CSE1L: variants seen among roughly 807,000 people sequenced by gnomAD.
CSE1L encodes the protein chromosome segregation 1 like.
In CSE1L, 24 loss-of-function variants were observed where a neutral mutation model predicts 120.4. The ratio of observed to expected loss-of-function variants is 0.20; its 90% confidence interval spans 0.14 to 0.28. The LOEUF (loss-of-function observed/expected upper bound fraction) is 0.28, where lower values mean the gene tolerates loss of function less well. Among genes scored for constraint, CSE1L ranks in the 10% least tolerant of loss-of-function variants. The probability of loss-of-function intolerance (pLI) is 1.00; values close to 1 mark genes in which losing one functional copy is unlikely to be tolerated. For synonymous variants in CSE1L, 402 were observed against 398.3 expected (o/e 1.01, Z -0.11); for missense variants, 830 against 1,145.2 (o/e 0.72, Z 3.97).
In CSE1L at chr20:49,061,219, C is replaced by G. The variant is rs185819031; in HGVS notation, c.86-1983C>G. On this transcript the variant is annotated intron_variant, in intron 2 of 24. Coordinates refer to ENST00000262982, the MANE Select transcript of CSE1L (RefSeq NM_001316.4). ...ACGGAGTCTCCCTCTGTCGCCCAGG[C>G]TAGAGTGCAGTGGCGCCATCTTGGC... 1.4e-3 allele frequency among the ~76,000 whole-genome samples: 185 copies of G among 136,050 alleles called. 7 individuals carry two copies. The highest frequency in any genetic ancestry group is 0.013 in the Admixed American group (161 of 12,502). 89.3% of individuals were successfully genotyped at this position (136,050 alleles called of 152,430 possible).
intron 1 of CSE1L, among the ~76,000 whole-genome samples, chr20:49,048,309 A>G (rs1409874271): frequency 6.6e-6 from 1 of 152,126 alleles, no homozygotes; most frequent in Non-Finnish European, 1.5e-5. Context: ...GATTGGATGG[A>G]TGCAAGAGCA....
intron 2 of CSE1L, among the ~76,000 whole-genome samples, chr20:49,060,279 C>T (rs1162162112): frequency 6.7e-6 from 1 of 149,472 alleles, no homozygotes; most frequent in African/African-American, 2.5e-5. Context: ...GTCAAGAGAT[C>T]TAGACCATCC....
intron 1 of CSE1L, among the ~76,000 whole-genome samples, chr20:49,048,146 C>CTTTT (rs34878925): frequency 7.0e-5 from 9 of 128,720 alleles, no homozygotes; most frequent in African/African-American, 2.4e-4. Flanking sequence ...GTGTCTCTCT[C>CTTTT]TTTTTTTTTT....
chr20:49,085,331 C>G lies in CSE1L; in HGVS notation c.1668C>G (p.Asn556Lys). The G allele has an allele frequency of 1.9e-6, 3 of 1,613,912 alleles. No homozygotes were observed. Among genetic ancestry groups the G allele is most frequent in the Non-Finnish European group, 2.5e-6 (3 of 1,179,942 alleles). ...CGTTTGTTGAGATTCTGCTAACAAACCTTTTCAAAGCTCTCACACTTCCTG... is the reference window on the plus strand; with the variant it reads ...CGTTTGTTGAGATTCTGCTAACAAAGCTTTTCAAAGCTCTCACACTTCCTG... ...IAPFVEILLT[N>K]LFKALTLPGS... is the part of the protein sequence containing the mutation. The change falls in exon 16 of 25, where the codon AAC (asparagine) becomes AAG (lysine). Residue 556 changes from asparagine (N) to lysine (K), a missense_variant. By Grantham distance (94) the Asn-to-Lys change is moderately conservative. Coordinates refer to ENST00000262982, the MANE Select transcript of CSE1L (RefSeq NM_001316.4).
At chr20:49,087,637 G>A (rs1461808882) in intron 16 of CSE1L, among the ~76,000 whole-genome samples, 2 of 152,132 alleles carry the variant, frequency 1.3e-5, no homozygotes, top group East Asian at 3.8e-4. Context: ...TTACAGGTGT[G>A]AGCCACCAAG....
At position 49,089,458 on chromosome 20, in the gene CSE1L, A is replaced by C. The variant is rs2092084544; in HGVS notation, c.1972+61A>C. The C allele has an allele frequency of 1.9e-6, 3 of 1,600,238 alleles. No individual in the cohort carries two copies. In the African/African-American group the frequency reaches 4.0e-5, roughly 21 times the overall value. ...TAAAATTAACATGGCTATAAAATGC[A>C]GCCCACCTAAGCGATGTGGGCCTTT... On this transcript the variant is annotated intron_variant, in intron 18 of 24. Coordinates refer to ENST00000262982, the MANE Select transcript of CSE1L (RefSeq NM_001316.4).
chr20:49,051,241 G>A (rs2091764008), intron 1 of CSE1L, among the ~76,000 whole-genome samples: 1 of 152,206 alleles, frequency 6.6e-6, no homozygotes, highest in Non-Finnish European at 1.5e-5. Context: ...AAAAAAAGAT[G>A]ACATTTGAAA....
At chr20:49,082,335 G>C (rs2092019368) in intron 14 of CSE1L, among the ~76,000 whole-genome samples, 1 of 151,732 alleles carries the variant, frequency 6.6e-6, no homozygotes, top group Non-Finnish European at 1.5e-5. Flanking sequence ...GTAGAGACAG[G>C]GTTTTGCCAT....
chr20:49,068,630 T>A (rs982393802), intron 6 of CSE1L, 85 bp from the exon 7 acceptor site: 2 of 868,766 alleles, frequency 2.3e-6, no homozygotes, highest in Non-Finnish European at 1.9e-6. Context: ...ATGAATAGTC[T>A]CAGCTTAGTG....
At chr20:49,069,763 A>C (rs113682884) in intron 7 of CSE1L, among the ~76,000 whole-genome samples, 2,783 of 152,284 alleles carry the variant, frequency 0.018, 106 homozygotes, top group African/African-American at 0.064. Flanking sequence ...GGCATAATCT[A>C]CCCTCAGGGG....
At chr20:49,062,922 TTCTCTTGCAGATGA>T (rs2123682506) in intron 2 of CSE1L, among the ~76,000 whole-genome samples, 1 of 152,070 alleles carries the variant, frequency 6.6e-6, no homozygotes, top group South Asian at 2.1e-4. Flanking sequence ...GGGAAGCAGC[TTCTCTTGCAGATGA>T]GATGATCATC....
intron 7 of CSE1L, among the ~76,000 whole-genome samples, chr20:49,069,255 A>AGT (rs1555822945): frequency 1.3e-5 from 2 of 152,214 alleles, no homozygotes; most frequent in African/African-American, 4.8e-5. Flanking sequence ...AAAGACTTGA[A>AGT]GTACCAGACT....
intron 1 of CSE1L, among the ~76,000 whole-genome samples, chr20:49,056,713 A>G (rs1310543372): frequency 1.3e-5 from 2 of 151,190 alleles, no homozygotes; most frequent in Admixed American, 1.3e-4. Context: ...TTTCCTTTTA[A>G]TTGAGTGGGT....
chr20:49,095,788 G>A (rs1369054369), intron 24 of CSE1L, among the ~76,000 whole-genome samples: 1 of 152,102 alleles, frequency 6.6e-6, no homozygotes, highest in African/African-American at 2.4e-5. Flanking sequence ...AGTGCTTTGG[G>A]AGGCCAGGGC....
intron 22 of CSE1L, among the ~76,000 whole-genome samples, chr20:49,093,564 CTTTT>C (rs11477256): frequency 1.7e-5 from 2 of 117,584 alleles, no homozygotes; most frequent in Non-Finnish European, 3.5e-5. Flanking sequence ...GCTCCTCTCT[CTTTT>C]TTTTTTTTTT....
intron 14 of CSE1L, among the ~76,000 whole-genome samples, chr20:49,082,537 G>A (rs1033813988): frequency 4.0e-5 from 6 of 151,788 alleles, no homozygotes; most frequent in Admixed American, 6.6e-5. Flanking sequence ...CGGAGTCTTC[G>A]CTCTGTCGCT....
Position 49,090,789 on chromosome 20 carries a change from T to C in CSE1L, c.2229T>C (p.Asn743=). The C allele has an allele frequency of 6.2e-7, 1 of 1,614,062 alleles. No homozygotes were observed. The highest frequency in any genetic ancestry group is 8.5e-7 in the Non-Finnish European group (1 of 1,179,970). ...AGAAGCTGATTGCATCCAAAGCAAA[T>C]GACCACCAAGGTTTTTATCTTCTAA... ...VFQKLIASKA[N]DHQGFYLLNS... is the part of the protein sequence containing the mutation. The change falls in exon 20 of 25, where the codon AAT becomes AAC. Residue 743 remains asparagine, a synonymous_variant. Coordinates refer to ENST00000262982, the MANE Select transcript of CSE1L (RefSeq NM_001316.4).
chr20:49,090,588 C>T (rs564806133), intron 19 of CSE1L, among the ~76,000 whole-genome samples, 154 bp from the exon 20 acceptor site: 7 of 152,136 alleles, frequency 4.6e-5, no homozygotes, highest in East Asian at 3.9e-4. Flanking sequence ...AATGGCTACG[C>T]GGGAGGAATT....
rs993677732 is a variant in CSE1L, at chr20:49,066,647, C to T, written c.476+137C>T. The T allele has an allele frequency of 8.2e-5, 63 of 764,896 alleles. 1 individual carries two copies. In the Middle Eastern group the frequency reaches 2.2e-3, roughly 26 times the overall value. 47.4% of individuals were successfully genotyped at this position (764,896 alleles called of 1,614,324 possible). A position where few individuals can be genotyped will look rare whatever the true frequency, so the allele number is the denominator to read the frequency against. Reference sequence around the variant, plus strand: ...AATGAGAGCAGAAGTTTCTGTATTGCGTTTGTTTCTTCTCAACTAGGATGT... The same window carrying T: ...AATGAGAGCAGAAGTTTCTGTATTGTGTTTGTTTCTTCTCAACTAGGATGT... On this transcript the variant is annotated intron_variant, in intron 5 of 24. Coordinates refer to ENST00000262982, the MANE Select transcript of CSE1L (RefSeq NM_001316.4).
Sources: gnomAD v4.1 joint callset for allele counts (sites outside exome capture counted in the v4.1 genomes callset) on GRCh38, gnomAD v4.1.1 for gene constraint, MANE v1.5 for transcripts, NCBI Gene and HGNC (gene_info 2026-07-23, HGNC 2026-07-21) for gene names.